Variants in NEK7 observed in about 807,000 individuals in gnomAD.
NEK7 encodes the protein NIMA related kinase 7.
In NEK7, 18 loss-of-function variants were observed where a neutral mutation model predicts 44.6. The observed-to-expected ratio is 0.40, with a 90% CI of 0.28 to 0.60. The LOEUF is 0.60. Among genes scored for constraint, NEK7 ranks in the 20% least tolerant of loss-of-function variants. NEK7 has a pLI of 0.38. For missense variants in NEK7, 256 were observed against 366.5 expected (o/e 0.70, Z 2.46); for synonymous variants, 130 against 121.1 (o/e 1.07, Z -0.48).
chr1:198,159,954 C>T lies in NEK7; in HGVS notation c.-29+2678C>T, dbSNP rs530999206. 3.3e-5 allele frequency among the ~76,000 whole-genome samples: 5 copies of T among 152,300 alleles called. 1 individual carries two copies. The South Asian group carries it at 1.0e-3, about 32-fold the overall frequency. ...AAGGACCTCATGCCCCAAATCTTTC[C>T]TGGTGCTTGCAGTTGATAGTTTTGG... On this transcript the variant is annotated intron_variant, in intron 1 of 9. Transcript: ENST00000367385.
intron 1 of NEK7, among the ~76,000 whole-genome samples, chr1:198,180,852 C>G (rs1220773311): frequency 6.6e-6 from 1 of 151,984 alleles, no homozygotes; most frequent in African/African-American, 2.4e-5. Context: ...ATAGCTCACA[C>G]ATTTTTTAAT....
At chr1:198,172,004 T>C (rs531544970) in intron 1 of NEK7, among the ~76,000 whole-genome samples, 1 of 152,346 alleles carries the variant, frequency 6.6e-6, no homozygotes, top group South Asian at 2.1e-4. Flanking sequence ...TCTGTTTCTG[T>C]ATGTCTCCTC....
intron 7 of NEK7, 67 bp downstream of exon 7, chr1:198,279,128 CCAATTA>C: frequency 1.1e-6 from 1 of 922,876 alleles, no homozygotes; most frequent in South Asian, 1.4e-5. Context: ...AAGAGGTATA[CCAATTA>C]CATGCCAGCT....
chr1:198,285,911 T>C (rs1312085793), intron 7 of NEK7, among the ~76,000 whole-genome samples: 3 of 152,088 alleles, frequency 2.0e-5, no homozygotes, highest in Non-Finnish European at 4.4e-5. Flanking sequence ...TGGGTGGTAG[T>C]GGTGAATGAA....
chr1:198,252,699 T>A (rs1653103133), intron 2 of NEK7, among the ~76,000 whole-genome samples: 1 of 148,648 alleles, frequency 6.7e-6, no homozygotes, highest in African/African-American at 2.5e-5. Context: ...TATTAAAACA[T>A]GTATGTATGT....
intron 1 of NEK7, among the ~76,000 whole-genome samples, chr1:198,216,272 A>G (rs936302959): frequency 3.9e-5 from 6 of 152,144 alleles, no homozygotes; most frequent in East Asian, 1.9e-4. Context: ...AATCAATTCC[A>G]GAGGGAACCA....
At position 198,311,504 on chromosome 1, in the gene NEK7, C is replaced by G. The variant is rs1466610667; in HGVS notation, c.799-7908C>G. Among the ~76,000 whole-genome samples, 4 of 151,336 alleles carry G rather than the reference C, an allele frequency of 2.6e-5. No individual in the cohort carries two copies. In the East Asian group the frequency reaches 7.8e-4, roughly 30 times the overall value. On this transcript the variant is annotated intron_variant, in intron 9 of 9. Transcript: ENST00000367385. ...ATAGGAGTGGTGAGAGAGGGCATCC[C>G]TGTCTTGTGCCCGTTTTCAAAGGGA...
intron 1 of NEK7, among the ~76,000 whole-genome samples, chr1:198,230,905 G>A (rs1001568894): frequency 2.0e-5 from 3 of 151,892 alleles, no homozygotes; most frequent in African/African-American, 7.2e-5. Context: ...AGCCATTATT[G>A]AAAGAAACTT....
intron 2 of NEK7, among the ~76,000 whole-genome samples, chr1:198,252,602 T>G (rs1473450548): frequency 7.2e-6 from 1 of 138,292 alleles, no homozygotes; most frequent in Non-Finnish European, 1.5e-5. Flanking sequence ...TATGTATGTT[T>G]ATATATTTAT....
At chr1:198,220,537 A>C (rs568186122) in intron 1 of NEK7, among the ~76,000 whole-genome samples, 1 of 152,264 alleles carries the variant, frequency 6.6e-6, no homozygotes, top group South Asian at 2.1e-4. Flanking sequence ...AGAAATGTTA[A>C]GAATGAACTA....
intron 3 of NEK7, 57 bp from the exon 4 acceptor site, chr1:198,262,518 C>A: frequency 9.4e-7 from 1 of 1,066,172 alleles, no homozygotes; most frequent in Non-Finnish European, 1.4e-6. Flanking sequence ...TGAATTTACA[C>A]AATAGCTTGA....
chr1:198,270,415 C>T (rs1172364858), intron 5 of NEK7, among the ~76,000 whole-genome samples: 1 of 151,936 alleles, frequency 6.6e-6, no homozygotes, highest in African/African-American at 2.4e-5. Context: ...GGTTTGTTAT[C>T]TGCCAAGAGA....
chr1:198,317,972 G>A (rs1655425271), intron 9 of NEK7, among the ~76,000 whole-genome samples: 2 of 126,172 alleles, frequency 1.6e-5, no homozygotes, highest in African/African-American at 5.9e-5. Context: ...AATGCTTTGT[G>A]TATTGCTGTA....
At chr1:198,226,570 T>A in intron 1 of NEK7, among the ~76,000 whole-genome samples, 1 of 151,390 alleles carries the variant, frequency 6.6e-6, no homozygotes, top group South Asian at 2.1e-4. Flanking sequence ...CACTTACACA[T>A]GGAATTATGT....
intron 9 of NEK7, 22 bp downstream of exon 9, chr1:198,297,262 T>G: frequency 6.2e-7 from 1 of 1,607,906 alleles, no homozygotes; most frequent in Non-Finnish European, 8.5e-7. Flanking sequence ...TCAGCCCACA[T>G]GTTCTTCTGT....
At chr1:198,176,469 G>A (rs895627762) in intron 1 of NEK7, among the ~76,000 whole-genome samples, 1 of 152,140 alleles carries the variant, frequency 6.6e-6, no homozygotes, top group African/African-American at 2.4e-5. Flanking sequence ...TAAGGCCAGA[G>A]TATGGTACTT....
At chr1:198,167,245 C>T (rs1210857213) in intron 1 of NEK7, among the ~76,000 whole-genome samples, 5 of 152,206 alleles carry the variant, frequency 3.3e-5, no homozygotes, top group African/African-American at 7.2e-5. Context: ...AGGACATCCT[C>T]ATGACCTCAC....
At chr1:198,265,202 C>T (rs1200492620) in intron 5 of NEK7, among the ~76,000 whole-genome samples, 2 of 152,164 alleles carry the variant, frequency 1.3e-5, no homozygotes, top group East Asian at 1.9e-4. Flanking sequence ...ACTTCATTCC[C>T]TTGGCCAGAA....
At chr1:198,201,716 C>T (rs1665434176) in intron 1 of NEK7, among the ~76,000 whole-genome samples, 2 of 152,106 alleles carry the variant, frequency 1.3e-5, no homozygotes, top group South Asian at 4.1e-4. Context: ...CCATTTTCTT[C>T]TCTTTCCGGA....
Sources: gnomAD v4.1 joint callset for allele counts (sites outside exome capture counted in the v4.1 genomes callset) on GRCh38, gnomAD v4.1.1 for gene constraint, MANE v1.5 for transcripts, NCBI Gene and HGNC (gene_info 2026-07-23, HGNC 2026-07-21) for gene names.